The following CDH13 variants were observed in gnomAD, a reference collection of about 807,000 sequenced individuals.
CDH13 encodes the protein cadherin 13, also known as cadherin-13.
A neutral mutation model predicts 63.8 loss-of-function variants in CDH13; 24 were observed. The observed-to-expected ratio is 0.38, with a 90% CI of 0.27 to 0.53. The LOEUF is 0.53. CDH13 is among the 20% of genes least tolerant of loss of function. The pLI, the probability that CDH13 is intolerant of heterozygous loss-of-function variation, is 0.85. For synonymous variants in CDH13, 503 were observed against 355.3 expected, an observed-to-expected ratio of 1.42 and a Z score of -4.67; for missense variants, 1,049 against 903.1, an observed-to-expected ratio of 1.16 and a Z score of -2.07.
intron 2 of CDH13, among the ~76,000 whole-genome samples, chr16:82,874,682 A>T (rs1255681918): frequency 1.3e-5 from 2 of 152,224 alleles, no homozygotes; most frequent in African/African-American, 4.8e-5. Context: ...AACATAAAAG[A>T]AATAAGCAGT....
chr16:82,784,479 T>A (rs1443787337), intron 1 of CDH13, among the ~76,000 whole-genome samples: 1 of 152,160 alleles, frequency 6.6e-6, no homozygotes, highest in Non-Finnish European at 1.5e-5. Flanking sequence ...CTTTCAGGGT[T>A]TATCCTTGTC....
intron 1 of CDH13, among the ~76,000 whole-genome samples, chr16:82,852,513 G>A (rs756925991): frequency 6.6e-6 from 1 of 152,200 alleles, no homozygotes; most frequent in Non-Finnish European, 1.5e-5. Flanking sequence ...TCTAGAAGAC[G>A]TGAGAATCCT....
At chr16:83,509,903 A>G (rs2074517203) in intron 7 of CDH13, among the ~76,000 whole-genome samples, 2 of 152,222 alleles carry the variant, frequency 1.3e-5, no homozygotes, top group South Asian at 4.1e-4. Flanking sequence ...TGACTGGCTC[A>G]AGGTCACACA....
intron 4 of CDH13, among the ~76,000 whole-genome samples, chr16:83,185,335 C>A (rs1385093998): frequency 6.6e-6 from 1 of 152,086 alleles, no homozygotes; most frequent in Non-Finnish European, 1.5e-5. Context: ...GGATAAAGCA[C>A]CTGACCTACT....
chr16:83,386,265 G>A (rs372084144), intron 6 of CDH13, among the ~76,000 whole-genome samples: 2 of 152,280 alleles, frequency 1.3e-5, no homozygotes, highest in Admixed American at 6.5e-5. Context: ...TCTCTTGACC[G>A]AATCCAGCAT....
intron 5 of CDH13, among the ~76,000 whole-genome samples, chr16:83,309,931 C>G (rs78621527): frequency 0.019 from 2,921 of 152,148 alleles, 105 homozygotes; most frequent in African/African-American, 0.065. Context: ...AAGTGGCTCT[C>G]CCTCAGCATA....
intron 2 of CDH13, among the ~76,000 whole-genome samples, chr16:83,019,433 A>G (rs1182748028): frequency 2.0e-5 from 3 of 151,822 alleles, no homozygotes; most frequent in African/African-American, 4.8e-5. Context: ...CTATGATATC[A>G]ATGCCTTCTT....
At chr16:83,694,417 T>G (rs1431843258) in intron 10 of CDH13, among the ~76,000 whole-genome samples, 1 of 152,136 alleles carries the variant, frequency 6.6e-6, no homozygotes, top group African/African-American at 2.4e-5. Flanking sequence ...TGGGATGCTA[T>G]GAGGGATGAT....
chr16:83,507,017 G>A (rs2074412700), intron 7 of CDH13, among the ~76,000 whole-genome samples: 1 of 152,198 alleles, frequency 6.6e-6, no homozygotes, highest in Non-Finnish European at 1.5e-5. Context: ...AAAGCACTAA[G>A]TTTGGGGTAA....
chr16:83,544,098 C>A (rs796574608), intron 7 of CDH13, among the ~76,000 whole-genome samples: 4 of 152,264 alleles, frequency 2.6e-5, no homozygotes, highest in African/African-American at 9.6e-5. Context: ...GTGCAGTGTG[C>A]TTCGAGCACA....
intron 4 of CDH13, among the ~76,000 whole-genome samples, chr16:83,146,173 G>A (rs9923782): frequency 0.046 from 6,140 of 134,308 alleles, 300 homozygotes; most frequent in African/African-American, 0.13. Context: ...CAGCCTGGGC[G>A]ACAGAGCAAG....
At chr16:82,880,730 A>G (rs1305203877) in intron 2 of CDH13, among the ~76,000 whole-genome samples, 1 of 152,194 alleles carries the variant, frequency 6.6e-6, no homozygotes. Context: ...ATATGCTGGT[A>G]TATTTCATAA....
chr16:83,671,925 C>T (rs1453768260), intron 9 of CDH13, among the ~76,000 whole-genome samples: 2 of 152,230 alleles, frequency 1.3e-5, no homozygotes, highest in Non-Finnish European at 2.9e-5. Flanking sequence ...GGCATTTCTA[C>T]ACAGTTTCAC....
At chr16:83,021,634 G>T (rs770097500) in intron 2 of CDH13, among the ~76,000 whole-genome samples, 4 of 152,206 alleles carry the variant, frequency 2.6e-5, no homozygotes, top group Non-Finnish European at 5.9e-5. Flanking sequence ...CTGCTGACAT[G>T]ATAGAATTGA....
rs1907355901 is a variant in CDH13, at chr16:82,627,053, C to T, written c.-40C>T. The T allele has an allele frequency of 3.2e-6, 5 of 1,575,968 alleles. No individual in the cohort carries two copies. The highest frequency in any genetic ancestry group is 1.8e-5 in the Admixed American group (1 of 54,860). On this transcript the variant is annotated 5_prime_UTR_variant, in exon 1 of 14. Coordinates refer to ENST00000567109, the MANE Select transcript of CDH13 (RefSeq NM_001257.5). ...AAAATATGCTCAGTGCAGCCGCGTG[C>T]ATGAATGAAAACGCCGCCGGGCGCT...
chr16:83,325,034 C>G (rs958958109), intron 5 of CDH13, among the ~76,000 whole-genome samples: 4 of 152,118 alleles, frequency 2.6e-5, no homozygotes, highest in Admixed American at 6.5e-5. Flanking sequence ...AGGCTGTCTC[C>G]CTCCTCTTCC....
intron 8 of CDH13, among the ~76,000 whole-genome samples, chr16:83,651,113 A>T (rs1377908187): frequency 6.6e-6 from 1 of 152,030 alleles, no homozygotes; most frequent in East Asian, 1.9e-4. Flanking sequence ...AAAATAATAA[A>T]ATAAAAATAG....
At chr16:82,823,847 C>G (rs766894415) in intron 1 of CDH13, 16 of 152,074 alleles carry the variant, frequency 1.1e-4, no homozygotes, top group Non-Finnish European at 1.9e-4. Flanking sequence ...TGGGATTATA[C>G]ATATGAATTT....
chr16:82,935,422 A>G (rs1031055523), intron 2 of CDH13, among the ~76,000 whole-genome samples: 1 of 152,212 alleles, frequency 6.6e-6, no homozygotes, highest in African/African-American at 2.4e-5. Flanking sequence ...ACCGTATGAC[A>G]TGGTGAAATA....
Sources: allele counts gnomAD v4.1 joint callset (sites outside exome capture counted in the v4.1 genomes callset), GRCh38; gene constraint gnomAD v4.1.1; transcripts MANE v1.5; gene names NCBI Gene and HGNC (gene_info 2026-07-23, HGNC 2026-07-21).